ZFHX3: variants seen among roughly 807,000 people sequenced by gnomAD.
ZFHX3 encodes zinc finger homeobox protein 3.
Under a neutral mutation model 279.1 loss-of-function variants are expected in ZFHX3, and 42 were observed. The observed-to-expected ratio is 0.15, with a 90% CI of 0.12 to 0.19. ZFHX3 has a LOEUF of 0.19. Ranked by LOEUF, ZFHX3 falls within the 10% of genes least tolerant of loss-of-function variation. The pLI, the probability that ZFHX3 is intolerant of heterozygous loss-of-function variation, is 1.00. For missense variants in ZFHX3, 4,981 were observed against 4,754.0 expected (o/e 1.05, Z -1.40); for synonymous variants, 2,293 against 1,957.8 (o/e 1.17, Z -4.52).
chr16:73,453,186 G>C (rs900963364), intron 3 of ZFHX3, among the ~76,000 whole-genome samples: 1 of 152,212 alleles, frequency 6.6e-6, no homozygotes, highest in African/African-American at 2.4e-5. Context: ...TGAATTACTG[G>C]GTTGTCGGTT....
At chr16:73,543,524 G>T (rs550628303) in intron 2 of ZFHX3, among the ~76,000 whole-genome samples, 5 of 152,264 alleles carry the variant, frequency 3.3e-5, no homozygotes, top group Non-Finnish European at 7.4e-5. Context: ...TTAGCAGCGG[G>T]GAGATGTAAG....
rs139011544 is a variant in ZFHX3 at position 73,104,877 on chromosome 16, A to G, written c.-896-11279T>C. ...ATTTTATGTTCGCTTCCATCATCAT[A>G]TGGCTGAATGATCAAACCCAAGTCT... On this transcript the variant is annotated intron_variant, in intron 7 of 17. Coordinates refer to the ZFHX3 transcript ENST00000641206. Among the ~76,000 whole-genome samples the G allele has an allele frequency of 4.1e-3, 620 of 152,180 alleles. 2 individuals carry two copies. The highest frequency in any genetic ancestry group is 0.01 in the Middle Eastern group (3 of 294).
At chr16:73,785,428 G>A (rs1959612974) in intron 1 of ZFHX3, among the ~76,000 whole-genome samples, 1 of 152,038 alleles carries the variant, frequency 6.6e-6, no homozygotes, top group Non-Finnish European at 1.5e-5. Context: ...GTTTCTCAGA[G>A]ATATCTAGAG....
chr16:72,949,899 G>A (rs1300905215), intron 3 of ZFHX3, among the ~76,000 whole-genome samples: 3 of 146,950 alleles, frequency 2.0e-5, no homozygotes, highest in East Asian at 2.0e-4. Flanking sequence ...ATGAGGGCAG[G>A]GATTTTCTTT....
chr16:73,521,982 T>A (rs985397570), intron 2 of ZFHX3, among the ~76,000 whole-genome samples: 2 of 152,148 alleles, frequency 1.3e-5, no homozygotes, highest in African/African-American at 2.4e-5. Flanking sequence ...CGTTCCCTTT[T>A]GCCAAAAAAA....
chr16:72,899,999 T>C (rs944555960), intron 3 of ZFHX3, among the ~76,000 whole-genome samples: 1 of 151,988 alleles, frequency 6.6e-6, no homozygotes, highest in Admixed American at 6.6e-5. Context: ...AACTGATATA[T>C]AGGAATTATG....
At chr16:73,031,540 T>A (rs186197406) in intron 1 of ZFHX3, among the ~76,000 whole-genome samples, 2 of 152,336 alleles carry the variant, frequency 1.3e-5, no homozygotes, top group African/African-American at 4.8e-5. Flanking sequence ...AATTTCTGCT[T>A]AATTGCTGTT....
intron 2 of ZFHX3, among the ~76,000 whole-genome samples, chr16:73,502,087 A>T (rs4888428): frequency 6.6e-6 from 1 of 151,664 alleles, no homozygotes; most frequent in African/African-American, 2.4e-5. Context: ...AAGGTACAGC[A>T]TTAAAAGTTA....
At chr16:73,760,159 C>A (rs753520633) in intron 1 of ZFHX3, among the ~76,000 whole-genome samples, 4 of 152,018 alleles carry the variant, frequency 2.6e-5, no homozygotes, top group African/African-American at 2.4e-5. Context: ...ACTATAAACA[C>A]CTCTATGGAA....
chr16:73,820,098 C>CT lies in ZFHX3; in HGVS notation c.-1608+71552dup, dbSNP rs1211518623. On this transcript the variant is annotated intron_variant, in intron 1 of 17. Transcript: ENST00000641206. ...CGCAGGGCCAGTACTGGGAGTAAGT[C>CT]TTTTTTTTTGAGACAGAGTCTTGCT... Among the ~76,000 whole-genome samples, 8 of 151,142 alleles carry CT rather than the reference C, an allele frequency of 5.3e-5. No homozygotes were observed. The East Asian group carries it at 9.7e-4, about 18-fold the overall frequency.
chr16:72,839,608 A>C (rs1017012859), intron 4 of ZFHX3, among the ~76,000 whole-genome samples: 1 of 152,182 alleles, frequency 6.6e-6, no homozygotes, highest in African/African-American at 2.4e-5. Context: ...TGTCTTAAAG[A>C]CAGAAAATTT....
chr16:73,531,523 T>C (rs977707876), intron 2 of ZFHX3, among the ~76,000 whole-genome samples: 1 of 151,980 alleles, frequency 6.6e-6, no homozygotes, highest in African/African-American at 2.4e-5. Context: ...AAGACCAGCC[T>C]GGGCAATGTA....
At chr16:73,573,037 G>T (rs527317589) in intron 2 of ZFHX3, among the ~76,000 whole-genome samples, 1 of 152,110 alleles carries the variant, frequency 6.6e-6, no homozygotes, top group African/African-American at 2.4e-5. Flanking sequence ...TTATCCCTCC[G>T]TGACCCCAAA....
At chr16:73,042,675 G>A (rs1965161184) in intron 1 of ZFHX3, among the ~76,000 whole-genome samples, 1 of 152,022 alleles carries the variant, frequency 6.6e-6, no homozygotes, top group African/African-American at 2.4e-5. Context: ...ATCGGGCGAG[G>A]GGTCTCACTC....
chr16:73,025,079 C>G (rs1399078656), intron 1 of ZFHX3, among the ~76,000 whole-genome samples: 2 of 152,172 alleles, frequency 1.3e-5, no homozygotes, highest in African/African-American at 2.4e-5. Flanking sequence ...AGAAAGTTCC[C>G]ACATGCAGAA....
At chr16:73,728,014 T>TCC (rs2053534162) in intron 1 of ZFHX3, among the ~76,000 whole-genome samples, 1 of 25,310 alleles carries the variant, frequency 4.0e-5, no homozygotes, top group African/African-American at 9.2e-5. Context: ...AGCCGAATTG[T>TCC]GCCCCCCCCC....
chr16:73,492,235 T>C (rs889797033), intron 2 of ZFHX3, among the ~76,000 whole-genome samples: 2 of 152,144 alleles, frequency 1.3e-5, no homozygotes, highest in Admixed American at 1.3e-4. Context: ...TCACCCAAGC[T>C]GGAAACCTTA....
At chr16:72,800,895 C>G (rs1430390430) in intron 7 of ZFHX3, among the ~76,000 whole-genome samples, 3 of 152,148 alleles carry the variant, frequency 2.0e-5, no homozygotes, top group African/African-American at 7.2e-5. Flanking sequence ...GCCATTTTTT[C>G]TCAATACAGC....
At chr16:73,770,706 C>T (rs2054008045) in intron 1 of ZFHX3, among the ~76,000 whole-genome samples, 1 of 152,198 alleles carries the variant, frequency 6.6e-6, no homozygotes, top group Admixed American at 6.5e-5. Flanking sequence ...CTAACATTTT[C>T]TTACGACATC....
Sources: gnomAD v4.1 joint callset for allele counts (sites outside exome capture counted in the v4.1 genomes callset) on GRCh38, gnomAD v4.1.1 for gene constraint, MANE v1.5 for transcripts, NCBI Gene and HGNC (gene_info 2026-07-23, HGNC 2026-07-21) for gene names.